The following FMNL3 variants were observed in gnomAD, a reference collection of about 807,000 sequenced individuals.
FMNL3 encodes the protein formin-like protein 3.
In FMNL3, 57 loss-of-function variants were observed where a neutral mutation model predicts 119.6. The ratio of observed to expected loss-of-function variants is 0.48; its 90% CI spans 0.39 to 0.59. The LOEUF (loss-of-function observed/expected upper bound fraction) is 0.59, where lower values mean the gene tolerates loss of function less well. Ranked by LOEUF, FMNL3 falls within the 20% of genes least tolerant of loss-of-function variation. The probability of loss-of-function intolerance (pLI) is 0.00; values close to 1 mark genes in which losing one functional copy is unlikely to be tolerated. For missense variants in FMNL3, 1,053 were observed against 1,323.5 expected (o/e 0.80, Z 3.17); for synonymous variants, 491 against 507.3 (o/e 0.97, Z 0.43).
At chr12:49,648,122 G>T in intron 22 of FMNL3, 71 bp downstream of exon 22, 15 of 1,393,844 alleles carry the variant, frequency 1.1e-5, no homozygotes, top group Non-Finnish European at 1.4e-5. Context: ...AAAAAAAATA[G>T]AACTAGGGCC....
At chr12:49,655,786 AG>A (rs1169282367) in intron 9 of FMNL3, among the ~76,000 whole-genome samples, 1 of 152,022 alleles carries the variant, frequency 6.6e-6, no homozygotes, top group African/African-American at 2.4e-5. Context: ...AATGGATGCT[AG>A]GGAAGAGGTC....
At position 49,654,179 on chromosome 12, in the gene FMNL3, C is replaced by T; in HGVS notation, c.1071+13G>A. The T allele has an allele frequency of 6.2e-7, 1 of 1,611,656 alleles. No homozygotes were observed. Among genetic ancestry groups the T allele is most frequent in the Non-Finnish European group, 8.5e-7 (1 of 1,177,996 alleles). On this transcript the variant is annotated intron_variant, in intron 11 of 25. Transcript: ENST00000335154. ...CAAAGCACCTCACCTTACAAGGACC[C>T]CAGCCAGCTCACCTGCAGGAACTCC...
At chr12:49,667,106 AC>A (rs1437740515) in intron 2 of FMNL3, among the ~76,000 whole-genome samples, 1 of 152,048 alleles carries the variant, frequency 6.6e-6, no homozygotes, top group Non-Finnish European at 1.5e-5. Context: ...CTTTAGGCCA[AC>A]CCCTTCATCT....
chr12:49,678,304 C>T (rs1034635797), intron 1 of FMNL3, among the ~76,000 whole-genome samples: 3 of 151,954 alleles, frequency 2.0e-5, no homozygotes, highest in African/African-American at 4.8e-5. Context: ...ACTACAGGCG[C>T]GCACCACCAT....
intron 5 of FMNL3, chr12:49,659,672 C>T: frequency 2.7e-6 from 2 of 752,568 alleles, no homozygotes; most frequent in South Asian, 6.0e-5. Flanking sequence ...TCTTGGCCTC[C>T]CAAAGCTCTG....
intron 9 of FMNL3, among the ~76,000 whole-genome samples, chr12:49,655,584 G>A (rs935709160): frequency 6.6e-6 from 1 of 152,142 alleles, no homozygotes; most frequent in Non-Finnish European, 1.5e-5. Flanking sequence ...GGGGTCTGAT[G>A]CTGCCAAGTT....
intron 1 of FMNL3, among the ~76,000 whole-genome samples, chr12:49,679,360 A>G (rs1944276092): frequency 6.6e-6 from 1 of 152,038 alleles, no homozygotes; most frequent in Admixed American, 6.6e-5. Flanking sequence ...AATTGTATGC[A>G]TCCTTCAGGA....
At chr12:49,651,103 C>T in intron 16 of FMNL3, 65 bp downstream of exon 16, 1 of 1,587,828 alleles carries the variant, frequency 6.3e-7, no homozygotes, top group Non-Finnish European at 8.6e-7. Flanking sequence ...AGACCAGAAT[C>T]TCCTCAAAAG....
rs1374127954 is a variant in FMNL3, at chr12:49,661,952, G to A, written c.452+14C>T. ...CCAACTGGTCCCCAACTTCAGCCCC[G>A]GGGTGGTACTCACATGACAGAACAC... On this transcript the variant is annotated intron_variant, in intron 5 of 25. Transcript: ENST00000335154. The A allele has an allele frequency of 2.0e-5, 33 of 1,613,180 alleles. No homozygotes were observed. Among genetic ancestry groups the A allele is most frequent in the Middle Eastern group, 3.3e-4 (2 of 6,082 alleles).
intron 1 of FMNL3, among the ~76,000 whole-genome samples, chr12:49,695,298 C>A (rs887056205): frequency 6.6e-6 from 1 of 151,998 alleles, no homozygotes; most frequent in Non-Finnish European, 1.5e-5. Context: ...TTTATTTGTA[C>A]CCTTACAGAT....
Position 49,643,773 on chromosome 12 carries a change from C to A in FMNL3, c.*2042G>T, listed in dbSNP as rs1414110391. On this transcript the variant is annotated 3_prime_UTR_variant, in exon 26 of 26. Coordinates refer to ENST00000335154, the MANE Select transcript of FMNL3 (RefSeq NM_175736.5). ...AGTCGGTGAGTGAAGGAACTTCTAC[C>A]TAAGCCCCTGCTATTTTGTGAGTTC... 1 of 1,613,654 alleles carries A rather than the reference C, an allele frequency of 6.2e-7. No homozygotes were observed. The highest frequency in any genetic ancestry group is 8.5e-7 in the Non-Finnish European group (1 of 1,179,934).
At chr12:49,648,712 T>G (rs1466698219) in intron 21 of FMNL3, among the ~76,000 whole-genome samples, 1 of 152,192 alleles carries the variant, frequency 6.6e-6, no homozygotes, top group Admixed American at 6.5e-5. Flanking sequence ...GCACTTCACA[T>G]ACATCATACA....
chr12:49,685,843 G>C (rs1944442737), intron 1 of FMNL3, among the ~76,000 whole-genome samples: 1 of 152,160 alleles, frequency 6.6e-6, no homozygotes, highest in African/African-American at 2.4e-5. Flanking sequence ...AAGGCAGGGG[G>C]ATCACTTGAG....
At chr12:49,706,797 T>C (rs1319172023) in intron 1 of FMNL3, among the ~76,000 whole-genome samples, 1 of 152,168 alleles carries the variant, frequency 6.6e-6, no homozygotes, top group African/African-American at 2.4e-5. Flanking sequence ...GGGAGAAGCC[T>C]GGTTCCTAGG....
chr12:49,661,580 A>C (rs1943735726), intron 5 of FMNL3, among the ~76,000 whole-genome samples: 1 of 152,162 alleles, frequency 6.6e-6, no homozygotes, highest in African/African-American at 2.4e-5. Context: ...TGGAAACCCA[A>C]AGTTGCTTCT....
intron 1 of FMNL3, among the ~76,000 whole-genome samples, chr12:49,670,735 G>A (rs1047671205): frequency 7.9e-5 from 12 of 152,188 alleles, no homozygotes; most frequent in African/African-American, 2.4e-4. Context: ...ATGGCAAGAT[G>A]GTCAAACACA....
chr12:49,698,924 C>T (rs1944827432), intron 1 of FMNL3, among the ~76,000 whole-genome samples: 1 of 152,230 alleles, frequency 6.6e-6, no homozygotes, highest in South Asian at 2.1e-4. Context: ...GAAGTTCTCA[C>T]CTGCTGCTAT....
At chr12:49,695,900 A>G (rs899140503) in intron 1 of FMNL3, among the ~76,000 whole-genome samples, 21 of 152,060 alleles carry the variant, frequency 1.4e-4, no homozygotes, top group African/African-American at 5.1e-4. Context: ...TCCCAGGCAG[A>G]TGCTGGGAAG....
At chr12:49,679,179 C>A (rs1487515842) in intron 1 of FMNL3, among the ~76,000 whole-genome samples, 1 of 152,128 alleles carries the variant, frequency 6.6e-6, no homozygotes, top group Admixed American at 6.6e-5. Context: ...ATTTTACAAG[C>A]AAGGAAACGA....
Sources: allele counts gnomAD v4.1 joint callset (sites outside exome capture counted in the v4.1 genomes callset), GRCh38; gene constraint gnomAD v4.1.1; transcripts MANE v1.5; gene names NCBI Gene and HGNC (gene_info 2026-07-23, HGNC 2026-07-21).